The following MFHAS1 variants were observed in gnomAD, a reference collection of about 807,000 sequenced individuals.
MFHAS1 encodes the protein malignant fibrous histiocytoma-amplified sequence 1.
A neutral mutation model predicts 70.4 loss-of-function variants in MFHAS1; 50 were observed. The observed-to-expected ratio is 0.71, with a 90% CI of 0.57 to 0.90. MFHAS1 has a LOEUF of 0.90. Ranked by LOEUF, MFHAS1 falls within the 40% of genes least tolerant of loss-of-function variation. MFHAS1 has a pLI of 0.00. For synonymous variants in MFHAS1, 952 were observed against 620.0 expected (o/e 1.54, Z -7.96); for missense variants, 1,795 against 1,347.6 (o/e 1.33, Z -5.20).
Position 8,892,857 on chromosome 8 carries a change from G to C in MFHAS1, c.202C>G (p.Leu68Val). The change falls in exon 1 of 3, where the codon CTG becomes GTG. Residue 68 changes from leucine (L) to valine (V), a missense_variant. Transcript: ENST00000276282. This position sits in a 1 kb window ranked among gnomAD's most constrained non-coding sequence, Gnocchi z 4.7. ...TCCAGGCCGTTGTTCCCCAGGTTCA[G>C]TGCCTCAATGTCCCCGAGGTTGGCC... is the stretch of plus-strand genomic sequence containing the variant. Reference protein sequence around the residue: ...LPANLGDIEALNLGNNGLEEV... With the variant: ...LPANLGDIEAVNLGNNGLEEV... The C allele has an allele frequency of 6.3e-7, 1 of 1,595,852 alleles. No homozygotes were observed. The highest frequency in any genetic ancestry group is 8.5e-7 in the Non-Finnish European group (1 of 1,172,078).
intron 2 of MFHAS1, among the ~76,000 whole-genome samples, chr8:8,789,470 C>G (rs113941775): frequency 6.6e-6 from 1 of 152,148 alleles, no homozygotes; most frequent in Admixed American, 6.5e-5. Flanking sequence ...AAGGGAGGGT[C>G]CAGCCTGGGG....
intron 1 of MFHAS1, among the ~76,000 whole-genome samples, chr8:8,886,276 C>G (rs546719667): frequency 1.4e-4 from 21 of 152,098 alleles, no homozygotes; most frequent in Admixed American, 1.2e-3. Context: ...AGTGATTGTC[C>G]CACCTCAGCC....
chr8:8,810,925 G>C (rs1806522803), intron 1 of MFHAS1, among the ~76,000 whole-genome samples: 1 of 152,182 alleles, frequency 6.6e-6, no homozygotes, highest in Non-Finnish European at 1.5e-5. Flanking sequence ...TGGTAGAGCT[G>C]AGGCCTCCCT....
intron 1 of MFHAS1, among the ~76,000 whole-genome samples, chr8:8,835,212 G>C (rs374678819): frequency 6.6e-6 from 1 of 152,116 alleles, no homozygotes; most frequent in South Asian, 2.1e-4. Context: ...TCTTGATTGG[G>C]AGTGAATGCA....
intron 1 of MFHAS1, among the ~76,000 whole-genome samples, chr8:8,875,005 C>T (rs1189583406): frequency 6.6e-6 from 1 of 151,296 alleles, no homozygotes; most frequent in Non-Finnish European, 1.5e-5. Context: ...TACAAGAAAA[C>T]GTTCACATCC....
At chr8:8,809,197 T>C (rs997984228) in intron 1 of MFHAS1, among the ~76,000 whole-genome samples, 1 of 152,308 alleles carries the variant, frequency 6.6e-6, no homozygotes, top group Middle Eastern at 3.4e-3. Flanking sequence ...TTCCACATTA[T>C]AGTGAGTTGT....
chr8:8,793,793 T>G (rs1014281490), intron 2 of MFHAS1, among the ~76,000 whole-genome samples: 2 of 152,226 alleles, frequency 1.3e-5, no homozygotes, highest in Non-Finnish European at 2.9e-5. Flanking sequence ...CAGAAAGTCG[T>G]GTACACACGT....
At chr8:8,874,571 G>C (rs1283301108) in intron 1 of MFHAS1, among the ~76,000 whole-genome samples, 4 of 152,068 alleles carry the variant, frequency 2.6e-5, no homozygotes, top group Non-Finnish European at 5.9e-5. Flanking sequence ...AGTTTGGGGA[G>C]GGGTTATGAA....
intron 1 of MFHAS1, among the ~76,000 whole-genome samples, chr8:8,839,288 C>A (rs908969275): frequency 6.6e-6 from 1 of 152,064 alleles, no homozygotes; most frequent in Non-Finnish European, 1.5e-5. Context: ...ACTCTAATTT[C>A]TCCACATCTT....
At chr8:8,787,311 A>C (rs1259736848) in intron 2 of MFHAS1, among the ~76,000 whole-genome samples, 3 of 152,082 alleles carry the variant, frequency 2.0e-5, no homozygotes, top group Non-Finnish European at 1.5e-5. Context: ...TGATCTCCTG[A>C]CCTCATGATC....
At chr8:8,819,879 T>C (rs532789376) in intron 1 of MFHAS1, among the ~76,000 whole-genome samples, 32 of 152,194 alleles carry the variant, frequency 2.1e-4, no homozygotes, top group African/African-American at 7.7e-4. Flanking sequence ...TTTCTATTTT[T>C]GATAGAGACG....
chr8:8,831,029 G>A (rs994740449), intron 1 of MFHAS1, among the ~76,000 whole-genome samples: 97 of 152,124 alleles, frequency 6.4e-4, no homozygotes, highest in African/African-American at 2.2e-3. Flanking sequence ...CAGTCCAGAG[G>A]CTGGGAGGTC....
chr8:8,834,824 G>A (rs1368825430), intron 1 of MFHAS1, among the ~76,000 whole-genome samples: 1 of 152,262 alleles, frequency 6.6e-6, no homozygotes, highest in East Asian at 1.9e-4. Flanking sequence ...AACTGTGCAC[G>A]AAACCACCCC....
At chr8:8,804,402 A>G (rs1473624301) in intron 1 of MFHAS1, among the ~76,000 whole-genome samples, 6 of 152,184 alleles carry the variant, frequency 3.9e-5, no homozygotes, top group Non-Finnish European at 7.3e-5. Context: ...AATAAAATAA[A>G]CAAAAAACAA....
At chr8:8,789,779 C>G (rs2117243887) in intron 2 of MFHAS1, among the ~76,000 whole-genome samples, 1 of 152,252 alleles carries the variant, frequency 6.6e-6, no homozygotes, top group East Asian at 1.9e-4. Context: ...CCTGGAACAC[C>G]TCCTTTACTG....
intron 1 of MFHAS1, among the ~76,000 whole-genome samples, chr8:8,842,155 C>A (rs181543866): frequency 6.6e-6 from 1 of 152,120 alleles, no homozygotes; most frequent in African/African-American, 2.4e-5. Flanking sequence ...TACCTTCTTC[C>A]GGAGAAACTG....
intron 1 of MFHAS1, among the ~76,000 whole-genome samples, chr8:8,815,443 CT>C (rs2117291888): frequency 6.6e-6 from 1 of 152,294 alleles, no homozygotes; most frequent in East Asian, 1.9e-4. Context: ...AATTGCCACA[CT>C]GTCTTCCACA....
At chr8:8,856,835 G>A (rs1808457585) in intron 1 of MFHAS1, among the ~76,000 whole-genome samples, 1 of 152,018 alleles carries the variant, frequency 6.6e-6, no homozygotes, top group Admixed American at 6.6e-5. Context: ...GTTTATTGCT[G>A]CACACGGGAA....
chr8:8,867,266 T>C (rs921789285), intron 1 of MFHAS1, among the ~76,000 whole-genome samples: 10 of 152,198 alleles, frequency 6.6e-5, no homozygotes, highest in African/African-American at 2.4e-4. Context: ...TTCTTCACCA[T>C]ATAAACTTTT....
Sources: allele counts gnomAD v4.1 joint callset (sites outside exome capture counted in the v4.1 genomes callset), GRCh38; gene constraint gnomAD v4.1.1; non-coding constraint Gnocchi (gnomAD v3.1); transcripts MANE v1.5; gene names NCBI Gene and HGNC (gene_info 2026-07-23, HGNC 2026-07-21).